The following HCN1 variants were observed in gnomAD, a reference collection of about 807,000 sequenced individuals.
HCN1 encodes hyperpolarization activated cyclic nucleotide gated potassium channel 1, also known as potassium/sodium hyperpolarization-activated cyclic nucleotide-gated channel 1.
A neutral mutation model predicts 78.9 loss-of-function variants in HCN1; 13 were observed. The ratio of observed to expected loss-of-function variants is 0.16; its 90% CI spans 0.11 to 0.26. The LOEUF is 0.26. Among genes scored for constraint, HCN1 ranks in the 10% least tolerant of loss-of-function variants. The probability of loss-of-function intolerance (pLI) is 1.00; values close to 1 mark genes in which losing one functional copy is unlikely to be tolerated. For missense variants in HCN1, 810 were observed against 1,154.3 expected (o/e 0.70, Z 4.32); for synonymous variants, 552 against 455.5 (o/e 1.21, Z -2.70).
rs140980421 is a variant in HCN1, at chr5:45,305,629, C to T, written c.1378-1790G>A. Among the ~76,000 whole-genome samples the T allele has an allele frequency of 1.8e-3, 275 of 149,212 alleles. 1 individual carries two copies. The highest frequency in any genetic ancestry group is 6.4e-3 in the African/African-American group (260 of 40,546). ...GTTCAGCAAGTAGTAAGTACTGAAT[C>T]AATATGCATGCATATAAAGGAAGCC... On this transcript the variant is annotated intron_variant, in intron 5 of 7. Coordinates refer to ENST00000303230, the MANE Select transcript of HCN1 (RefSeq NM_021072.4).
chr5:45,552,117 A>C (rs1243663165), intron 2 of HCN1, among the ~76,000 whole-genome samples: 1 of 151,898 alleles, frequency 6.6e-6, no homozygotes, highest in African/African-American at 2.4e-5. Context: ...TTCATCCTCA[A>C]ATTTTGCATC....
chr5:45,691,390 TG>T (rs143440593), intron 1 of HCN1, among the ~76,000 whole-genome samples: 154 of 152,214 alleles, frequency 1.0e-3, no homozygotes, highest in African/African-American at 3.7e-3. Context: ...ATCTACTAAA[TG>T]CAACAGTGAA....
intron 2 of HCN1, among the ~76,000 whole-genome samples, chr5:45,612,083 G>T (rs1345531201): frequency 1.3e-5 from 2 of 152,140 alleles, no homozygotes; most frequent in East Asian, 3.9e-4. Context: ...ACTCACAAGG[G>T]TGATAACTGA....
At chr5:45,474,373 C>G (rs1353418085) in intron 2 of HCN1, among the ~76,000 whole-genome samples, 1 of 151,820 alleles carries the variant, frequency 6.6e-6, no homozygotes, top group Non-Finnish European at 1.5e-5. Flanking sequence ...TAATTGGTGA[C>G]TAAGTTCTAT....
At chr5:45,466,543 A>AT (rs1179024498) in intron 2 of HCN1, among the ~76,000 whole-genome samples, 10 of 152,210 alleles carry the variant, frequency 6.6e-5, no homozygotes, top group Admixed American at 6.5e-4. Context: ...ACAAGGTTAG[A>AT]TTCTTCTGTT....
intron 2 of HCN1, among the ~76,000 whole-genome samples, chr5:45,586,497 T>A (rs1475657764): frequency 2.6e-5 from 4 of 152,146 alleles, no homozygotes; most frequent in African/African-American, 9.7e-5. Context: ...CTCACCCTAC[T>A]TCAGGTCACA....
intron 2 of HCN1, among the ~76,000 whole-genome samples, chr5:45,475,383 T>A (rs1741491527): frequency 6.6e-6 from 1 of 152,196 alleles, no homozygotes; most frequent in Non-Finnish European, 1.5e-5. Context: ...TATTCAAAAA[T>A]ATTAGTCTCC....
At chr5:45,499,020 G>T (rs1012185941) in intron 2 of HCN1, among the ~76,000 whole-genome samples, 1 of 151,596 alleles carries the variant, frequency 6.6e-6, no homozygotes, top group Non-Finnish European at 1.5e-5. Flanking sequence ...GGCTGCAGAG[G>T]TTACTGCTGT....
intron 3 of HCN1, among the ~76,000 whole-genome samples, chr5:45,435,231 G>T (rs968477228): frequency 2.6e-5 from 4 of 151,926 alleles, no homozygotes; most frequent in Admixed American, 6.6e-5. Context: ...AAATCAAATA[G>T]TTCCCCAATG....
At position 45,255,173 on chromosome 5, in the gene HCN1, C is replaced by T. The variant is rs1017909986; in HGVS notation, c.*6748G>A. On this transcript the variant is annotated 3_prime_UTR_variant, in exon 8 of 8. Transcript: ENST00000303230. ...CCAGGAGGCAGGCTGGGTTAGACAGCGTGACCAAGAGTAAACTTTGGATGG... is the reference window on the plus strand; with the variant it reads ...CCAGGAGGCAGGCTGGGTTAGACAGTGTGACCAAGAGTAAACTTTGGATGG... 1.3e-5 allele frequency: 2 copies of T among 152,130 alleles called. No individual in the cohort carries two copies. Among genetic ancestry groups the T allele is most frequent in the Non-Finnish European group, 2.9e-5 (2 of 68,042 alleles). The allele number at this position is 152,130 out of a possible 1,614,324, so 9.4% of individuals were successfully genotyped here. A position where few individuals can be genotyped will look rare whatever the true frequency, so the allele number is the denominator to read the frequency against.
At chr5:45,540,592 G>T (rs1743083693) in intron 2 of HCN1, among the ~76,000 whole-genome samples, 1 of 152,056 alleles carries the variant, frequency 6.6e-6, no homozygotes, top group Non-Finnish European at 1.5e-5. Flanking sequence ...GGCCACCTAA[G>T]GTGCTGGCAT....
chr5:45,501,691 C>T (rs1334426544), intron 2 of HCN1, among the ~76,000 whole-genome samples: 16 of 152,120 alleles, frequency 1.1e-4, no homozygotes, highest in Admixed American at 8.5e-4. Flanking sequence ...CCGCACGCCT[C>T]GGCCTCCCAA....
At chr5:45,344,592 C>A (rs1421139442) in intron 5 of HCN1, among the ~76,000 whole-genome samples, 2 of 152,116 alleles carry the variant, frequency 1.3e-5, no homozygotes, top group African/African-American at 2.4e-5. Context: ...GAGAAATTGG[C>A]CAAAATGAAG....
intron 3 of HCN1, among the ~76,000 whole-genome samples, chr5:45,410,253 T>C (rs1009231448): frequency 1.3e-5 from 2 of 152,154 alleles, no homozygotes; most frequent in Middle Eastern, 3.4e-3. Flanking sequence ...TATTGGGTCA[T>C]GATAGGTAGC....
intron 3 of HCN1, among the ~76,000 whole-genome samples, chr5:45,460,671 G>C (rs1449410295): frequency 6.6e-6 from 1 of 151,404 alleles, no homozygotes; most frequent in Non-Finnish European, 1.5e-5. Context: ...ATAAATATCA[G>C]GTCAAATATC....
chr5:45,561,196 G>A (rs1397910392), intron 2 of HCN1, among the ~76,000 whole-genome samples: 1 of 151,902 alleles, frequency 6.6e-6, no homozygotes, highest in Non-Finnish European at 1.5e-5. Flanking sequence ...TTTAAGCTAT[G>A]GTAATTTAAT....
chr5:45,459,625 TAAG>T (rs1356542786), intron 3 of HCN1, among the ~76,000 whole-genome samples: 1 of 152,150 alleles, frequency 6.6e-6, no homozygotes, highest in Non-Finnish European at 1.5e-5. Context: ...TCAGATATAT[TAAG>T]TAGTATATTG....
At chr5:45,465,853 G>A (rs1741260579) in intron 2 of HCN1, among the ~76,000 whole-genome samples, 1 of 152,156 alleles carries the variant, frequency 6.6e-6, no homozygotes, top group African/African-American at 2.4e-5. Flanking sequence ...CATTTGTCCA[G>A]CTCAGGACAT....
chr5:45,540,470 A>C (rs1743081094), intron 2 of HCN1, among the ~76,000 whole-genome samples: 1 of 151,976 alleles, frequency 6.6e-6, no homozygotes, highest in African/African-American at 2.4e-5. Context: ...TTGGGACCAC[A>C]GGCACACAAC....
Sources: gnomAD v4.1 joint callset for allele counts (sites outside exome capture counted in the v4.1 genomes callset) on GRCh38, gnomAD v4.1.1 for gene constraint, MANE v1.5 for transcripts, NCBI Gene and HGNC (gene_info 2026-07-23, HGNC 2026-07-21) for gene names.